The following NIM1K variants were observed in gnomAD, a reference collection of about 807,000 sequenced individuals.
NIM1K encodes the protein serine/threonine-protein kinase NIM1.
NIM1K carries 35 observed loss-of-function variants against 37.1 expected under a neutral mutation model. That is an observed-to-expected ratio of 0.94 (90% CI 0.72 to 1.25). NIM1K has a LOEUF of 1.25. Ranked by LOEUF, NIM1K falls within the 50% of genes most tolerant of loss-of-function variation. NIM1K has a pLI of 0.00. For synonymous variants in NIM1K, 234 were observed against 206.6 expected (o/e 1.13, Z -1.14); for missense variants, 564 against 548.0 (o/e 1.03, Z -0.29).
At chr5:43,202,050 T>C (rs78943104) in intron 1 of NIM1K, among the ~76,000 whole-genome samples, 1 of 152,186 alleles carries the variant, frequency 6.6e-6, no homozygotes, top group Non-Finnish European at 1.5e-5. Context: ...CTTGAGCTAT[T>C]TGATAATAAA....
At chr5:43,206,780 C>T in intron 1 of NIM1K, 2 of 765,782 alleles carry the variant, frequency 2.6e-6, no homozygotes, top group Non-Finnish European at 2.4e-6. Context: ...TTCTAAAAGG[C>T]CTCCAGTCCA....
chr5:43,232,072 C>T, intron 1 of NIM1K: 1 of 1,024,900 alleles, frequency 9.8e-7, no homozygotes, highest in Non-Finnish European at 1.5e-6. Flanking sequence ...GACCAGGTCT[C>T]CACCAGTCAC....
At position 43,245,607 on chromosome 5, in the gene NIM1K, C is replaced by T; in HGVS notation, c.-169C>T. The T allele has an allele frequency of 9.7e-6, 6 of 617,054 alleles. No individual in the cohort carries two copies. The highest frequency in any genetic ancestry group is 7.7e-5 in the South Asian group (3 of 39,056). The allele number at this position is 617,054 out of a possible 1,614,324, so 38.2% of individuals were successfully genotyped here. A position where few individuals can be genotyped will look rare whatever the true frequency, so the allele number is the denominator to read the frequency against. On this transcript the variant is annotated 5_prime_UTR_variant, in exon 2 of 4. Transcript: ENST00000326035. ...TGGGCAGACTCAGCTACCACGTTCA[C>T]TGCCTTCCTCTCACTAAAGCCGAGA...
chr5:43,232,384 G>A, intron 1 of NIM1K: 1 of 1,402,420 alleles, frequency 7.1e-7, no homozygotes, highest in South Asian at 1.2e-5. Flanking sequence ...AGTGGATGGG[G>A]GGATAGGCCA....
At chr5:43,198,202 TCTTTC>T (rs1421240269) in intron 1 of NIM1K, among the ~76,000 whole-genome samples, 2 of 44,180 alleles carry the variant, frequency 4.5e-5, no homozygotes, top group African/African-American at 1.7e-4. Flanking sequence ...TTTCTTTCTT[TCTTTC>T]TCTTTCTTTC....
At chr5:43,251,142 A>G (rs1561087372) in intron 2 of NIM1K, among the ~76,000 whole-genome samples, 2 of 152,236 alleles carry the variant, frequency 1.3e-5, no homozygotes, top group Non-Finnish European at 2.9e-5. Flanking sequence ...TCAAAAAGGT[A>G]TTTAATGTTA....
intron 3 of NIM1K, among the ~76,000 whole-genome samples, chr5:43,278,974 C>G (rs556316943): frequency 1.3e-5 from 2 of 152,292 alleles, no homozygotes; most frequent in Admixed American, 1.3e-4. Flanking sequence ...AGTAATAGAA[C>G]AGATGGGCAA....
intron 1 of NIM1K, chr5:43,193,692 A>G (rs1319927626): frequency 6.6e-6 from 1 of 152,176 alleles, no homozygotes; most frequent in African/African-American, 2.4e-5. Flanking sequence ...ATTTTTTTTA[A>G]TGTTTGAAAA....
At chr5:43,205,996 G>A (rs937540340) in intron 1 of NIM1K, among the ~76,000 whole-genome samples, 1 of 152,140 alleles carries the variant, frequency 6.6e-6, no homozygotes, top group Non-Finnish European at 1.5e-5. Flanking sequence ...ACAGGCATGA[G>A]CTTCCGCGCC....
chr5:43,239,505 TG>T (rs1752666231), intron 1 of NIM1K, among the ~76,000 whole-genome samples: 1 of 150,770 alleles, frequency 6.6e-6, no homozygotes, highest in Non-Finnish European at 1.5e-5. Context: ...CCCAAAGTGT[TG>T]GGATTATAGG....
chr5:43,204,071 A>G lies in NIM1K; in HGVS notation c.-695+11660A>G, dbSNP rs370772702. 1.6e-3 allele frequency among the ~76,000 whole-genome samples: 217 copies of G among 136,164 alleles called. 3 individuals are homozygous for G. Among genetic ancestry groups the G allele is most frequent in the African/African-American group, 5.6e-3 (210 of 37,596 alleles). 89.3% of individuals were successfully genotyped at this position (136,164 alleles called of 152,430 possible). A position where few individuals can be genotyped will look rare whatever the true frequency, so the allele number is the denominator to read the frequency against. Reference sequence around the variant, plus strand: ...AATTTGTGTATTTACTATCACTGATAGTTCCAATGGTTTTTTTTTTTTTTT... The same window carrying G: ...AATTTGTGTATTTACTATCACTGATGGTTCCAATGGTTTTTTTTTTTTTTT... On this transcript the variant is annotated intron_variant, in intron 1 of 3. Coordinates refer to ENST00000326035, the MANE Select transcript of NIM1K (RefSeq NM_153361.4).
chr5:43,226,183 G>A (rs1286116946), intron 1 of NIM1K, among the ~76,000 whole-genome samples: 1 of 152,222 alleles, frequency 6.6e-6, no homozygotes, highest in Non-Finnish European at 1.5e-5. Context: ...GCCCTTTTAA[G>A]GGTTTTAGCT....
At chr5:43,236,703 G>A (rs1027841293) in intron 1 of NIM1K, among the ~76,000 whole-genome samples, 6 of 152,200 alleles carry the variant, frequency 3.9e-5, no homozygotes, top group African/African-American at 1.4e-4. Flanking sequence ...AACCTCAAGT[G>A]TTGTAGAAGT....
chr5:43,267,939 A>C (rs1197832810), intron 2 of NIM1K, among the ~76,000 whole-genome samples: 1 of 152,068 alleles, frequency 6.6e-6, no homozygotes, highest in Non-Finnish European at 1.5e-5. Flanking sequence ...TTTGGGTAGG[A>C]TGTTCTGTAA....
At position 43,198,836 on chromosome 5, in the gene NIM1K, A is replaced by C. The variant is rs184541179; in HGVS notation, c.-695+6425A>C. Among the ~76,000 whole-genome samples the C allele has an allele frequency of 1.8e-3, 276 of 152,280 alleles. 1 individual carries two copies. The highest frequency in any genetic ancestry group is 3.1e-3 in the South Asian group (15 of 4,824). ...AGTCCTTCTGAAGTTTAGTTTCTTC[A>C]TCTGAAAAATGAGGATAATAGCAGG... On this transcript the variant is annotated intron_variant, in intron 1 of 3. Coordinates refer to ENST00000326035, the MANE Select transcript of NIM1K (RefSeq NM_153361.4).
intron 2 of NIM1K, among the ~76,000 whole-genome samples, chr5:43,246,444 ACCAAGCCACCTCATCTC>A (rs1019517807): frequency 1.9e-4 from 29 of 151,684 alleles, no homozygotes; most frequent in African/African-American, 4.4e-4. Context: ...GTGGCTTGGA[ACCAAGCCACCTCATCTC>A]CCAAGCCACC....
At chr5:43,207,773 T>C in intron 1 of NIM1K, 1 of 456,136 alleles carries the variant, frequency 2.2e-6, no homozygotes, top group Non-Finnish European at 4.3e-6. Flanking sequence ...CTTGGAATTG[T>C]GGGTATTGTA....
At chr5:43,247,452 T>C (rs1345796815) in intron 2 of NIM1K, among the ~76,000 whole-genome samples, 1 of 152,246 alleles carries the variant, frequency 6.6e-6, no homozygotes, top group Admixed American at 6.5e-5. Context: ...AAAGTATCTT[T>C]ATCAGAAGTT....
intron 2 of NIM1K, among the ~76,000 whole-genome samples, chr5:43,262,978 A>T (rs913709896): frequency 2.0e-5 from 3 of 152,180 alleles, no homozygotes; most frequent in African/African-American, 7.2e-5. Context: ...ATCGTGGTGG[A>T]TAAGCTTTTT....
Sources: gnomAD v4.1 joint callset for allele counts (sites outside exome capture counted in the v4.1 genomes callset) on GRCh38, gnomAD v4.1.1 for gene constraint, MANE v1.5 for transcripts, NCBI Gene and HGNC (gene_info 2026-07-23, HGNC 2026-07-21) for gene names.